GLIS3: variants seen among roughly 807,000 people sequenced by gnomAD.
GLIS3 encodes GLIS family zinc finger 3, also known as zinc finger protein GLIS3.
Under a neutral mutation model 78.6 loss-of-function variants are expected in GLIS3, and 53 were observed. That is an observed-to-expected ratio of 0.67 (90% CI 0.54 to 0.85). The LOEUF (loss-of-function observed/expected upper bound fraction) is 0.85, where lower values mean the gene tolerates loss of function less well. Ranked by LOEUF, GLIS3 falls within the 40% of genes least tolerant of loss-of-function variation. The pLI is 0.00. For synonymous variants in GLIS3, 684 were observed against 509.9 expected (o/e 1.34, Z -4.60); for missense variants, 1,703 against 1,231.1 (o/e 1.38, Z -5.74).
chr9:4,397,646 AGGAAGAAAAGGAAGGAAGGAAG>A, the GLIS3 span, among the ~76,000 whole-genome samples: 3 of 146,102 alleles, frequency 2.1e-5, no homozygotes, highest in African/African-American at 7.7e-5. Context: ...AAGAAAAGGA[AGGAAGAAAAGGAAGGAAGGAAG>A]GGAGGGAGGA....
At chr9:4,265,315 G>T (rs1825892421) in intron 2 of GLIS3, among the ~76,000 whole-genome samples, 1 of 151,856 alleles carries the variant, frequency 6.6e-6, no homozygotes, top group Non-Finnish European at 1.5e-5. Context: ...TCATGTACCA[G>T]GCATTATACT....
chr9:3,993,805 T>C (rs1026763782), intron 4 of GLIS3, among the ~76,000 whole-genome samples: 2 of 152,256 alleles, frequency 1.3e-5, no homozygotes, highest in Non-Finnish European at 2.9e-5. Flanking sequence ...ATTGGCCTAC[T>C]GTTGTATTAC....
chr9:4,241,165 A>C (rs763927180), intron 2 of GLIS3, among the ~76,000 whole-genome samples: 1 of 152,236 alleles, frequency 6.6e-6, no homozygotes, highest in African/African-American at 2.4e-5. Flanking sequence ...CTAAAGGTAC[A>C]TTCAACTCCA....
chr9:4,117,580 T>C (rs1831757348), intron 4 of GLIS3, among the ~76,000 whole-genome samples, 188 bp downstream of exon 4: 1 of 152,170 alleles, frequency 6.6e-6, no homozygotes, highest in Admixed American at 6.5e-5. Flanking sequence ...CAGAAGGAAA[T>C]ATAGCAATGG....
chr9:3,992,687 G>C (rs192392273), intron 4 of GLIS3, among the ~76,000 whole-genome samples: 1 of 152,096 alleles, frequency 6.6e-6, no homozygotes, highest in South Asian at 2.1e-4. Flanking sequence ...AATTTTCATC[G>C]TAAGAGTAAA....
At chr9:4,385,367 GA>G in the GLIS3 span, among the ~76,000 whole-genome samples, 29 of 152,288 alleles carry the variant, frequency 1.9e-4, no homozygotes, top group East Asian at 5.4e-3. Flanking sequence ...TGGGCTTCTA[GA>G]AAATACAGTT....
At chr9:4,260,778 T>C (rs1460342804) in intron 2 of GLIS3, among the ~76,000 whole-genome samples, 1 of 151,916 alleles carries the variant, frequency 6.6e-6, no homozygotes, top group Non-Finnish European at 1.5e-5. Flanking sequence ...AGGACTGACT[T>C]GTCAAACACT....
chr9:3,881,125 AT>A (rs1239991603), intron 7 of GLIS3, among the ~76,000 whole-genome samples: 2 of 152,116 alleles, frequency 1.3e-5, no homozygotes, highest in Non-Finnish European at 2.9e-5. Context: ...CCAAATAATA[AT>A]TTTACTCAGG....
At position 4,049,348 on chromosome 9, in the gene GLIS3, C is replaced by G. The variant is rs531672682; in HGVS notation, c.1710+68420G>C. On this transcript the variant is annotated intron_variant, in intron 4 of 10. Coordinates refer to ENST00000381971, the MANE Select transcript of GLIS3 (RefSeq NM_001042413.2). ...CTTCTGCAGGGCCCCTTCCTCACCT[C>G]CCTACAACGTGATTGTTAAAGGATA... is the stretch of plus-strand genomic sequence containing the variant. 1.7e-4 allele frequency among the ~76,000 whole-genome samples: 26 copies of G among 152,280 alleles called. 1 individual carries two copies. The South Asian group carries it at 4.8e-3, about 28-fold the overall frequency.
At chr9:4,106,614 G>C (rs1236166094) in intron 4 of GLIS3, among the ~76,000 whole-genome samples, 1 of 152,168 alleles carries the variant, frequency 6.6e-6, no homozygotes, top group Non-Finnish European at 1.5e-5. Context: ...GTGTGTGCCA[G>C]TTCATGACCA....
chr9:4,054,219 ACATCAGCTCTGTGAGGGCAGAGATCT>A, intron 4 of GLIS3: 1 of 554,374 alleles, frequency 1.8e-6, no homozygotes, highest in Non-Finnish European at 2.3e-6. Context: ...CACCAGCAGA[ACATCAGCTCTGTGAGGGCAGAGATCT>A]CATCCTTCAC....
intron 4 of GLIS3, among the ~76,000 whole-genome samples, chr9:4,055,675 C>T (rs1826090850): frequency 6.6e-6 from 1 of 152,184 alleles, no homozygotes; most frequent in Non-Finnish European, 1.5e-5. Flanking sequence ...GGTGTTATCA[C>T]TTTCAATGGC....
At chr9:4,293,927 G>A (rs1470333539) in intron 1 of GLIS3, among the ~76,000 whole-genome samples, 1 of 152,222 alleles carries the variant, frequency 6.6e-6, no homozygotes, top group Non-Finnish European at 1.5e-5. Flanking sequence ...TCTGCCCTCA[G>A]CTACTGAGAA....
At chr9:3,939,176 A>C (rs553177110) in intron 4 of GLIS3, among the ~76,000 whole-genome samples, 25 of 152,336 alleles carry the variant, frequency 1.6e-4, no homozygotes, top group African/African-American at 6.0e-4. Flanking sequence ...TCTGTTCCAC[A>C]GTCACCTCAG....
the GLIS3 span, among the ~76,000 whole-genome samples, chr9:4,474,992 TTTC>T: frequency 0.017 from 1,694 of 100,000 alleles, 120 homozygotes; most frequent in African/African-American, 0.04. Flanking sequence ...TTAATTTTTT[TTTC>T]TTTTTTTTTT....
chr9:4,385,464 G>A, the GLIS3 span, among the ~76,000 whole-genome samples: 2 of 152,084 alleles, frequency 1.3e-5, no homozygotes, highest in South Asian at 2.1e-4. Flanking sequence ...AGGAGTCCGA[G>A]ACCAGCTTGG....
At chr9:4,451,802 G>C in the GLIS3 span, among the ~76,000 whole-genome samples, 1 of 151,988 alleles carries the variant, frequency 6.6e-6, no homozygotes, top group Non-Finnish European at 1.5e-5. Flanking sequence ...AAACCAATGA[G>C]AACAAAGACA....
At chr9:4,105,093 A>T (rs1252653546) in intron 4 of GLIS3, among the ~76,000 whole-genome samples, 1 of 152,162 alleles carries the variant, frequency 6.6e-6, no homozygotes. Flanking sequence ...TATGTTAATA[A>T]CCTTAGAATT....
intron 2 of GLIS3, among the ~76,000 whole-genome samples, chr9:4,152,734 T>C (rs1834774146): frequency 6.6e-6 from 1 of 152,142 alleles, no homozygotes; most frequent in Admixed American, 6.6e-5. Flanking sequence ...GCAATGTAAA[T>C]TTTACAAAAG....
Sources: gnomAD v4.1 joint callset for allele counts (sites outside exome capture counted in the v4.1 genomes callset) on GRCh38, gnomAD v4.1.1 for gene constraint, MANE v1.5 for transcripts, NCBI Gene and HGNC (gene_info 2026-07-23, HGNC 2026-07-21) for gene names.